Variants in CAT observed in about 807,000 individuals in gnomAD.
The protein encoded by CAT is catalase.
A neutral mutation model predicts 59.0 loss-of-function variants in CAT; 43 were observed. The ratio of observed to expected loss-of-function variants is 0.73; its 90% CI spans 0.57 to 0.94. The LOEUF (loss-of-function observed/expected upper bound fraction) is 0.94. Ranked by LOEUF, CAT falls within the 40% of genes least tolerant of loss-of-function variation. The pLI is 0.00. For synonymous variants in CAT, 218 were observed against 230.9 expected (o/e 0.94, Z 0.51); for missense variants, 664 against 682.9 (o/e 0.97, Z 0.31).
chr11:34,449,433 G>A, intron 2 of CAT, 70 bp downstream of exon 2: 1 of 1,373,566 alleles, frequency 7.3e-7, no homozygotes, highest in Admixed American at 1.7e-5. Flanking sequence ...ATTTCCCAAA[G>A]GATTGGAAGA....
At chr11:34,467,519 G>A (rs1451757110) in intron 10 of CAT, among the ~76,000 whole-genome samples, 1 of 152,118 alleles carries the variant, frequency 6.6e-6, no homozygotes, top group Admixed American at 6.5e-5. Context: ...TGGATAATTG[G>A]ATATTATTGG....
At chr11:34,468,659 G>T in intron 11 of CAT, 1 of 535,526 alleles carries the variant, frequency 1.9e-6, no homozygotes, top group Non-Finnish European at 3.4e-6. Flanking sequence ...GTCCTATTCT[G>T]TTTAATTCAG....
chr11:34,445,766 G>C (rs980224114), intron 1 of CAT, among the ~76,000 whole-genome samples: 1 of 151,996 alleles, frequency 6.6e-6, no homozygotes, highest in Admixed American at 6.6e-5. Flanking sequence ...AAAATATTCT[G>C]GCTCTAAAGT....
intron 6 of CAT, among the ~76,000 whole-genome samples, chr11:34,455,359 C>A (rs1195860014): frequency 6.6e-6 from 1 of 152,038 alleles, no homozygotes; most frequent in East Asian, 1.9e-4. Context: ...CATCAAAGAA[C>A]AGTATGATAT....
Position 34,468,203 on chromosome 11 carries a change from G to C in CAT, c.1327-85G>C, listed in dbSNP as rs1254219284. The stretch of plus-strand genomic sequence containing the variant: ...AACTTCTAAAGTTTTTTTTATCATT[G>C]ATTTCCTAAGTGTTGTAGTAGGTGA... On this transcript the variant is annotated intron_variant, in intron 10 of 12. Transcript: ENST00000241052. The C allele has an allele frequency of 6.4e-6, 6 of 937,580 alleles. No homozygotes were observed. In the Admixed American group the frequency reaches 8.7e-5, roughly 14 times the overall value. The allele number at this position is 937,580 out of a possible 1,614,324, so 58.1% of individuals were successfully genotyped here. A position where few individuals can be genotyped will look rare whatever the true frequency, so the allele number is the denominator to read the frequency against.
At chr11:34,470,486 C>G (rs1856762020) in intron 11 of CAT, among the ~76,000 whole-genome samples, 1 of 152,140 alleles carries the variant, frequency 6.6e-6, no homozygotes, top group African/African-American at 2.4e-5. Context: ...TCTCCCATCC[C>G]TGGAGGTTTG....
At chr11:34,454,032 C>A (rs1036658994) in intron 6 of CAT, 106 bp downstream of exon 6, 2 of 1,196,638 alleles carry the variant, frequency 1.7e-6, no homozygotes, top group African/African-American at 3.0e-5. Context: ...TTTTCCCTCA[C>A]CTCCATCCCC....
rs763673145 is a variant in CAT, at chr11:34,471,459, G to A, written c.*26G>A. Reference sequence around the variant, plus strand: ...GGCCGGGGCCCTGCACCTGTGCAGCGAAGCTTAGCGTTCATCCGTGTAACC... The same window carrying A: ...GGCCGGGGCCCTGCACCTGTGCAGCAAAGCTTAGCGTTCATCCGTGTAACC... On this transcript the variant is annotated 3_prime_UTR_variant, in exon 13 of 13. Transcript: ENST00000241052. The A allele has an allele frequency of 1.6e-5, 25 of 1,601,786 alleles. 1 individual carries two copies. The highest frequency in any genetic ancestry group is 1.2e-4 in the South Asian group (11 of 90,858).
chr11:34,448,747 G>A (rs980521963), intron 1 of CAT, among the ~76,000 whole-genome samples: 1 of 152,024 alleles, frequency 6.6e-6, no homozygotes, highest in Non-Finnish European at 1.5e-5. Flanking sequence ...CTTGAAGATC[G>A]TGGCAGTAAT....
Position 34,461,366 on chromosome 11 carries a change from CGATGTG to C in CAT, c.1173_1178del (p.Cys393_Met394del), listed in dbSNP as rs1856649119. 1 of 1,614,204 alleles carries C rather than the reference CGATGTG, an allele frequency of 6.2e-7. No homozygotes were observed. Among genetic ancestry groups the C allele is most frequent in the East Asian group, 2.2e-5 (1 of 44,880 alleles). ...GTGGCCAACTACCAGCGTGACGGCC[CGATGTG>C]CATGCAGGACAATCAGGGTAGGCCT... is the stretch of plus-strand genomic sequence containing the variant. On this transcript the variant is annotated inframe_deletion, in exon 9 of 13. Coordinates refer to ENST00000241052, the MANE Select transcript of CAT (RefSeq NM_001752.4).
intron 9 of CAT, 135 bp downstream of exon 9, chr11:34,461,524 C>T: frequency 9.9e-7 from 1 of 1,012,476 alleles, no homozygotes. Context: ...CCAGGTGCTG[C>T]TAACTGGGCG....
In CAT at chr11:34,471,805, A is replaced by G. The variant is rs953189227; in HGVS notation, c.*372A>G. Reference sequence around the variant, plus strand: ...ATTAAAATATGGCTATAAATATATAAAAAGAAAAGATAAAGATGATCTACT... The same window carrying G: ...ATTAAAATATGGCTATAAATATATAGAAAGAAAAGATAAAGATGATCTACT... On this transcript the variant is annotated 3_prime_UTR_variant, in exon 13 of 13. Coordinates refer to ENST00000241052, the MANE Select transcript of CAT (RefSeq NM_001752.4). The G allele has an allele frequency of 9.0e-6, 2 of 221,064 alleles. No homozygotes were observed. Among genetic ancestry groups the G allele is most frequent in the African/African-American group, 4.6e-5 (2 of 43,298 alleles). The allele number at this position is 221,064 out of a possible 1,614,324, so 13.7% of individuals were successfully genotyped here.
chr11:34,469,222 C>G (rs1856750289), intron 11 of CAT, among the ~76,000 whole-genome samples: 1 of 152,166 alleles, frequency 6.6e-6, no homozygotes, highest in South Asian at 2.1e-4. Context: ...GGCAGCTGGG[C>G]TAGCAGCTGT....
chr11:34,471,524 C>T lies in CAT; in HGVS notation c.*91C>T. ...TGAAGATTCTCCTGTGCTAGATGTG[C>T]AAATGCAAGCTAGTGGCTTCAAAAT... On this transcript the variant is annotated 3_prime_UTR_variant, in exon 13 of 13. Coordinates refer to ENST00000241052, the MANE Select transcript of CAT (RefSeq NM_001752.4). 2 of 1,065,926 alleles carry T rather than the reference C, an allele frequency of 1.9e-6. No individual in the cohort carries two copies. The highest frequency in any genetic ancestry group is 1.5e-5 in the African/African-American group (1 of 64,536). The allele number at this position is 1,065,926 out of a possible 1,614,324, so 66.0% of individuals were successfully genotyped here. A position where few individuals can be genotyped will look rare whatever the true frequency, so the allele number is the denominator to read the frequency against.
At chr11:34,456,861 G>C in intron 8 of CAT, 44 bp downstream of exon 8, 1 of 1,597,506 alleles carries the variant, frequency 6.3e-7, no homozygotes, top group Non-Finnish European at 8.6e-7. Flanking sequence ...GTGTCCATGT[G>C]AGCATGCACA....
At chr11:34,467,406 C>T (rs965598281) in intron 10 of CAT, among the ~76,000 whole-genome samples, 2 of 152,158 alleles carry the variant, frequency 1.3e-5, no homozygotes, top group African/African-American at 4.8e-5. Context: ...ACTTTGGTAT[C>T]AGGTTTAAAC....
Position 34,471,647 on chromosome 11 carries a change from A to T in CAT, c.*214A>T. 1.8e-6 allele frequency: 1 copy of T among 569,638 alleles called. No homozygotes were observed. Among genetic ancestry groups the T allele is most frequent in the Non-Finnish European group, 3.1e-6 (1 of 318,612 alleles). 35.3% of individuals were successfully genotyped at this position (569,638 alleles called of 1,614,324 possible). On this transcript the variant is annotated 3_prime_UTR_variant, in exon 13 of 13. Transcript: ENST00000241052. ...GGATTTAACAGTCATTTAAAAAAAA[A>T]ATTTGTTTTGACGGATGATTGGATT... is the stretch of plus-strand genomic sequence containing the variant.
intron 9 of CAT, among the ~76,000 whole-genome samples, chr11:34,462,153 T>A (rs1490139753): frequency 6.6e-6 from 1 of 152,178 alleles, no homozygotes; most frequent in Non-Finnish European, 1.5e-5. Flanking sequence ...TTCCACAGTT[T>A]AATATAGATC....
intron 1 of CAT, among the ~76,000 whole-genome samples, chr11:34,447,265 A>G (rs1408071356): frequency 6.6e-6 from 1 of 152,092 alleles, no homozygotes; most frequent in Non-Finnish European, 1.5e-5. Context: ...AGACATCTCT[A>G]GGGGGGATGG....
Sources: gnomAD v4.1 joint callset for allele counts (sites outside exome capture counted in the v4.1 genomes callset) on GRCh38, gnomAD v4.1.1 for gene constraint, MANE v1.5 for transcripts, NCBI Gene and HGNC (gene_info 2026-07-23, HGNC 2026-07-21) for gene names.